OVAAL: variants seen among roughly 807,000 people sequenced by gnomAD.
The protein encoded by OVAAL is ovarian adenocarcinoma amplified long non-coding RNA.
At chr1:180,563,670 G>A (rs764080687) in intron 2 of OVAAL, among the ~76,000 whole-genome samples, 65 of 152,160 alleles carry the variant, frequency 4.3e-4, no homozygotes, top group Non-Finnish European at 4.7e-4. Context: ...GTGAGCATGC[G>A]CAGTGTGTTT....
chr1:180,564,026 C>T (rs1168164329), intron 2 of OVAAL, among the ~76,000 whole-genome samples: 2 of 152,154 alleles, frequency 1.3e-5, no homozygotes, highest in African/African-American at 4.8e-5. Flanking sequence ...CCTACTGTAA[C>T]AGGATGACCA....
chr1:180,564,215 A>C (rs752022295), intron 2 of OVAAL, among the ~76,000 whole-genome samples: 8 of 152,118 alleles, frequency 5.3e-5, no homozygotes, highest in Non-Finnish European at 1.0e-4. Flanking sequence ...CATGCTCTTA[A>C]ATTAAAACAC....
Position 180,564,995 on chromosome 1 carries a change from T to C in OVAAL, n.514-256T>C, listed in dbSNP as rs185242440. On this transcript the variant is annotated intron_variant and non_coding_transcript_variant, in intron 2 of 2. Coordinates refer to ENST00000673955, the Ensembl canonical transcript of OVAAL. The stretch of plus-strand genomic sequence containing the variant: ...ATCAGTTCTTGTTTAATTCTTCTCC[T>C]TTAAATACCCTCTTTGTAGTATTGG... 3.1e-3 allele frequency among the ~76,000 whole-genome samples: 478 copies of C among 152,316 alleles called. 1 individual carries two copies. Among genetic ancestry groups the C allele is most frequent in the Non-Finnish European group, 5.0e-3 (338 of 68,020 alleles).
intron 1 of OVAAL, among the ~76,000 whole-genome samples, chr1:180,560,662 T>C (rs1291193275): frequency 6.6e-6 from 1 of 152,232 alleles, no homozygotes; most frequent in Admixed American, 6.5e-5. Context: ...AATGACTTTG[T>C]ATAACCTACA....
intron 1 of OVAAL, among the ~76,000 whole-genome samples, chr1:180,561,549 A>C (rs1411771224): frequency 6.6e-6 from 1 of 152,058 alleles, no homozygotes; most frequent in Admixed American, 6.6e-5. Flanking sequence ...GTGGTTGGGT[A>C]CTCAGCCTGG....
At chr1:180,564,860 G>A (rs944069353) in intron 2 of OVAAL, among the ~76,000 whole-genome samples, 4 of 152,082 alleles carry the variant, frequency 2.6e-5, no homozygotes, top group South Asian at 2.1e-4. Context: ...CAATTAAATC[G>A]GGATCTCCAG....
chr1:180,560,340 T>C (rs933695367), intron 1 of OVAAL, among the ~76,000 whole-genome samples: 2 of 152,080 alleles, frequency 1.3e-5, no homozygotes, highest in African/African-American at 4.8e-5. Context: ...GTGTATCTCT[T>C]CAGAGCAAGG....
chr1:180,563,185 A>T (rs1346119464), intron 2 of OVAAL, among the ~76,000 whole-genome samples: 1 of 152,224 alleles, frequency 6.6e-6, no homozygotes, highest in Non-Finnish European at 1.5e-5. Flanking sequence ...GGGTCTAGCC[A>T]GAGAAGGACA....
exon 3 of OVAAL, chr1:180,565,723 C>A (rs1557913470): frequency 6.6e-6 from 1 of 152,124 alleles, no homozygotes; most frequent in Non-Finnish European, 1.5e-5. Context: ...TACCATGTGC[C>A]AAATACTATG....
intron 1 of OVAAL, among the ~76,000 whole-genome samples, chr1:180,559,344 G>T (rs1400978307): frequency 6.6e-6 from 1 of 152,184 alleles, no homozygotes; most frequent in Non-Finnish European, 1.5e-5. Context: ...TCCAGGCTGA[G>T]GTGGTCTCAG....
chr1:180,561,129 T>C (rs773940886), intron 1 of OVAAL, among the ~76,000 whole-genome samples: 2 of 152,224 alleles, frequency 1.3e-5, no homozygotes, highest in Non-Finnish European at 2.9e-5. Flanking sequence ...TGCTCTTCCC[T>C]GGCACCTCTC....
intron 2 of OVAAL, chr1:180,565,182 C>T (rs1222247021): frequency 6.5e-6 from 1 of 153,224 alleles, no homozygotes; most frequent in Non-Finnish European, 1.5e-5. Flanking sequence ...CTGCTTAAGC[C>T]TCTCTTCAGC....
intron 1 of OVAAL, among the ~76,000 whole-genome samples, chr1:180,560,879 T>C (rs1210272630): frequency 6.6e-6 from 1 of 152,206 alleles, no homozygotes; most frequent in African/African-American, 2.4e-5. Flanking sequence ...CAAATTAAAT[T>C]ATGTTTAAAT....
intron 1 of OVAAL, among the ~76,000 whole-genome samples, chr1:180,559,860 C>T (rs1338663937): frequency 2.0e-5 from 3 of 149,310 alleles, no homozygotes; most frequent in African/African-American, 7.4e-5. Context: ...GAGCCAAGAT[C>T]ACGACACTGC....
chr1:180,564,084 G>A (rs940186633), intron 2 of OVAAL, among the ~76,000 whole-genome samples: 2 of 152,090 alleles, frequency 1.3e-5, no homozygotes, highest in Non-Finnish European at 2.9e-5. Flanking sequence ...GTGAAGGGGG[G>A]CACTATTAGT....
At chr1:180,561,547 G>GT (rs1321707521) in intron 1 of OVAAL, among the ~76,000 whole-genome samples, 1 of 152,138 alleles carries the variant, frequency 6.6e-6, no homozygotes, top group Non-Finnish European at 1.5e-5. Context: ...GAGTGGTTGG[G>GT]TACTCAGCCT....
At chr1:180,562,267 G>T (rs1653218068) in exon 2 of OVAAL, 1 of 152,288 alleles carries the variant, frequency 6.6e-6, no homozygotes, top group African/African-American at 2.4e-5. Context: ...TGGGGGAGAG[G>T]TACAGAAAGA....
chr1:180,562,046 C>A (rs1231721363), intron 1 of OVAAL, among the ~76,000 whole-genome samples: 2 of 151,604 alleles, frequency 1.3e-5, no homozygotes, highest in Admixed American at 6.6e-5. Context: ...AAATAGAGTT[C>A]GCTTTTCCTT....
intron 1 of OVAAL, among the ~76,000 whole-genome samples, chr1:180,559,626 G>A (rs1048214797): frequency 5.9e-5 from 9 of 152,230 alleles, no homozygotes; most frequent in East Asian, 1.9e-4. Flanking sequence ...AGAAAAACCC[G>A]GCCGGGCACG....
Sources: gnomAD v4.1 joint callset for allele counts (sites outside exome capture counted in the v4.1 genomes callset) on GRCh38, gnomAD v4.1.1 for gene constraint, MANE v1.5 for transcripts, NCBI Gene and HGNC (gene_info 2026-07-23, HGNC 2026-07-21) for gene names.